The following SPECC1L variants were observed in gnomAD, a reference collection of about 807,000 sequenced individuals.
The protein encoded by SPECC1L is cytospin-A.
A neutral mutation model predicts 116.8 loss-of-function variants in SPECC1L; 40 were observed. The ratio of observed to expected loss-of-function variants is 0.34; its 90% CI spans 0.27 to 0.45. The LOEUF is 0.45. SPECC1L is among the 20% of genes least tolerant of loss of function. The probability of loss-of-function intolerance (pLI) is 1.00; values close to 1 mark genes in which losing one functional copy is unlikely to be tolerated. For synonymous variants in SPECC1L, 504 were observed against 500.6 expected (o/e 1.01, Z -0.09); for missense variants, 1,110 against 1,373.6 (o/e 0.81, Z 3.03).
chr22:24,309,678 C>T (rs892154767), intron 3 of SPECC1L, among the ~76,000 whole-genome samples: 8 of 152,124 alleles, frequency 5.3e-5, no homozygotes, highest in African/African-American at 1.7e-4. Flanking sequence ...GAATTACAGG[C>T]GTGAGCCACT....
intron 1 of SPECC1L, among the ~76,000 whole-genome samples, chr22:24,273,096 A>G (rs1341004314): frequency 6.6e-6 from 1 of 152,238 alleles, no homozygotes; most frequent in Non-Finnish European, 1.5e-5. Context: ...AGTTTGTATC[A>G]AAATTTCTGT....
intron 3 of SPECC1L, among the ~76,000 whole-genome samples, chr22:24,306,144 T>TC (rs901375733): frequency 9.9e-5 from 15 of 152,016 alleles, no homozygotes; most frequent in African/African-American, 3.6e-4. Flanking sequence ...CGACCTCAGG[T>TC]CATCCACCCA....
At chr22:24,279,058 A>G (rs952002554) in intron 2 of SPECC1L, among the ~76,000 whole-genome samples, 18 of 152,236 alleles carry the variant, frequency 1.2e-4, no homozygotes, top group African/African-American at 4.3e-4. Context: ...GATGCAACCG[A>G]GAGTACTTCG....
intron 11 of SPECC1L, among the ~76,000 whole-genome samples, chr22:24,357,483 T>G (rs531030395): frequency 2.0e-5 from 3 of 152,254 alleles, no homozygotes; most frequent in Non-Finnish European, 2.9e-5. Context: ...TTTTATTGAT[T>G]ACTTTGTGTT....
chr22:24,399,018 A>C (rs987480773), intron 14 of SPECC1L, among the ~76,000 whole-genome samples: 1 of 152,238 alleles, frequency 6.6e-6, no homozygotes, highest in African/African-American at 2.4e-5. Context: ...TAAGCTGCTA[A>C]TAAAACTGCT....
chr22:24,312,915 A>T (rs180702969), intron 3 of SPECC1L, among the ~76,000 whole-genome samples: 25 of 152,340 alleles, frequency 1.6e-4, no homozygotes, highest in Admixed American at 3.3e-4. Context: ...CTCATCATGG[A>T]ATCACTTTAG....
intron 1 of SPECC1L, among the ~76,000 whole-genome samples, chr22:24,274,434 G>C (rs1371764166): frequency 1.1e-4 from 16 of 152,178 alleles, no homozygotes; most frequent in Non-Finnish European, 2.2e-4. Context: ...CAAAAGGCAC[G>C]TTTTTAAAGC....
chr22:24,395,617 C>T lies in SPECC1L; in HGVS notation c.3088-15971C>T, dbSNP rs543050119. On this transcript the variant is annotated intron_variant, in intron 14 of 16. Coordinates refer to ENST00000314328, the MANE Select transcript of SPECC1L (RefSeq NM_015330.6). Reference sequence around the variant, plus strand: ...ATTTGGGGATCCACACTTTTTATCTCAATACTCTTCAGAGAAAATAATTTT... The same window carrying T: ...ATTTGGGGATCCACACTTTTTATCTTAATACTCTTCAGAGAAAATAATTTT... Among the ~76,000 whole-genome samples, 5 of 152,278 alleles carry T rather than the reference C, an allele frequency of 3.3e-5. No homozygotes were observed. The East Asian group carries it at 7.7e-4, about 23-fold the overall frequency.
intron 11 of SPECC1L, among the ~76,000 whole-genome samples, chr22:24,353,851 A>G (rs959488185): frequency 6.6e-6 from 1 of 152,234 alleles, no homozygotes; most frequent in Non-Finnish European, 1.5e-5. Flanking sequence ...ATTGGCTGCT[A>G]GGAATTAGTA....
intron 14 of SPECC1L, among the ~76,000 whole-genome samples, chr22:24,384,663 G>A (rs530148758): frequency 6.6e-6 from 1 of 152,346 alleles, no homozygotes; most frequent in African/African-American, 2.4e-5. Context: ...GCTACACTCT[G>A]CTACAGTTGA....
intron 3 of SPECC1L, among the ~76,000 whole-genome samples, chr22:24,309,136 G>GACACACAC (rs138903918): frequency 6.6e-6 from 1 of 150,906 alleles, no homozygotes; most frequent in Non-Finnish European, 1.5e-5. Context: ...TTGCTTTTGG[G>GACACACAC]ACACACACAC....
intron 11 of SPECC1L, among the ~76,000 whole-genome samples, chr22:24,361,523 G>A (rs2041643274): frequency 6.6e-6 from 1 of 152,176 alleles, no homozygotes; most frequent in South Asian, 2.1e-4. Context: ...GTGGTGGCAG[G>A]CACCTGTAAT....
intron 11 of SPECC1L, among the ~76,000 whole-genome samples, chr22:24,358,178 G>C (rs1166501459): frequency 1.4e-5 from 2 of 147,282 alleles, no homozygotes; most frequent in African/African-American, 5.0e-5. Context: ...GCAGTGGTGT[G>C]ATCCTCACTC....
chr22:24,301,900 G>C, intron 2 of SPECC1L, among the ~76,000 whole-genome samples: 1 of 152,020 alleles, frequency 6.6e-6, no homozygotes, highest in East Asian at 1.9e-4. Flanking sequence ...CAAAAAATTA[G>C]CCGGGCGTGG....
In SPECC1L at chr22:24,322,508, C is replaced by T. The variant is rs1259445565; in HGVS notation, c.1528C>T (p.Leu510Phe). The T allele has an allele frequency of 1.9e-6, 3 of 1,614,030 alleles. No individual in the cohort carries two copies. Among genetic ancestry groups the T allele is most frequent in the South Asian group, 2.2e-5 (2 of 91,068 alleles). The change falls in exon 5 of 17, where the codon CTT becomes TTT. Residue 510 changes from leucine (L) to phenylalanine (F), a missense_variant. By Grantham distance (22) the Leu-to-Phe change is conservative (BLOSUM62 0). Transcript: ENST00000314328. ...ENARFEREQL[L>F]GVQQHLSNTL... Reference sequence around the variant, plus strand: ...TGCCCGTTTTGAACGGGAGCAGCTTCTTGGTGTCCAGCAGCATTTAAGCAA... The same window carrying T: ...TGCCCGTTTTGAACGGGAGCAGCTTTTTGGTGTCCAGCAGCATTTAAGCAA...
chr22:24,354,590 C>T (rs561744360), intron 11 of SPECC1L, among the ~76,000 whole-genome samples: 2 of 152,106 alleles, frequency 1.3e-5, no homozygotes, highest in South Asian at 2.1e-4. Flanking sequence ...TCTGGCACTA[C>T]AAGATGCTCC....
chr22:24,335,259 T>C (rs1021089399), intron 9 of SPECC1L, among the ~76,000 whole-genome samples: 8 of 152,226 alleles, frequency 5.3e-5, no homozygotes, highest in Non-Finnish European at 8.8e-5. Context: ...CCCTGTTTCA[T>C]CCCATGATAA....
intron 11 of SPECC1L, among the ~76,000 whole-genome samples, chr22:24,348,659 C>T (rs1297892599): frequency 6.6e-6 from 1 of 152,236 alleles, no homozygotes; most frequent in Admixed American, 6.5e-5. Flanking sequence ...ATCTCTCCTT[C>T]CTCTCTTTAC....
intron 2 of SPECC1L, among the ~76,000 whole-genome samples, chr22:24,284,390 T>C (rs913693352): frequency 4.6e-5 from 7 of 152,136 alleles, no homozygotes; most frequent in African/African-American, 1.4e-4. Context: ...TCCAGAGATA[T>C]TCCATTATTT....
Sources: gnomAD v4.1 joint callset for allele counts (sites outside exome capture counted in the v4.1 genomes callset) on GRCh38, gnomAD v4.1.1 for gene constraint, MANE v1.5 for transcripts, NCBI Gene and HGNC (gene_info 2026-07-23, HGNC 2026-07-21) for gene names.